The following TPRG1 variants were observed in gnomAD, a reference collection of about 807,000 sequenced individuals.
TPRG1 encodes tumor protein p63 regulated 1.
TPRG1 carries 29 observed loss-of-function variants against 29.3 expected under a neutral mutation model. That is an observed-to-expected ratio of 0.99 (90% confidence interval 0.74 to 1.35). The LOEUF (loss-of-function observed/expected upper bound fraction) is 1.35, where lower values mean the gene tolerates loss of function less well. Ranked by LOEUF, TPRG1 falls within the 40% of genes most tolerant of loss-of-function variation. TPRG1 has a pLI of 0.00. For missense variants in TPRG1, 327 were observed against 335.0 expected (o/e 0.98, Z 0.19); for synonymous variants, 130 against 116.8 (o/e 1.11, Z -0.73).
rs143535755 is a variant in TPRG1, at chr3:189,180,742, G to A, written c.-10+8611G>A. Among the ~76,000 whole-genome samples the A allele has an allele frequency of 2.9e-3, 438 of 152,264 alleles. 2 individuals are homozygous for A. The highest frequency in any genetic ancestry group is 6.3e-3 in the African/African-American group (261 of 41,550). ...CAGGTGCACAGTGCAAACCGTCAGC[G>A]CATTTACTATTCTGGGGTCTGGGGG... On this transcript the variant is annotated intron_variant, in intron 1 of 5. Transcript: ENST00000345063.
At chr3:189,022,282 C>T (rs1254521230) in intron 3 of TPRG1, among the ~76,000 whole-genome samples, 6 of 150,780 alleles carry the variant, frequency 4.0e-5, no homozygotes, top group East Asian at 2.0e-4. Context: ...TGAGGAACTG[C>T]GTTCCTTTGG....
At chr3:189,145,000 C>A (rs529685777) in intron 3 of TPRG1, among the ~76,000 whole-genome samples, 12 of 152,232 alleles carry the variant, frequency 7.9e-5, no homozygotes, top group African/African-American at 2.6e-4. Flanking sequence ...GGACTAGAAG[C>A]CTTTTATTCT....
chr3:189,057,071 C>T (rs1370279081), intron 4 of TPRG1, among the ~76,000 whole-genome samples: 10 of 152,222 alleles, frequency 6.6e-5, no homozygotes. Flanking sequence ...GACATCACAT[C>T]TATCATGCTT....
At chr3:189,022,794 A>G (rs1713413077) in intron 3 of TPRG1, among the ~76,000 whole-genome samples, 1 of 152,204 alleles carries the variant, frequency 6.6e-6, no homozygotes, top group Non-Finnish European at 1.5e-5. Context: ...TACCTAATCA[A>G]GCCGGGGCAA....
At chr3:189,163,073 A>G (rs1389487855) in intron 5 of TPRG1, among the ~76,000 whole-genome samples, 8 of 152,176 alleles carry the variant, frequency 5.3e-5, no homozygotes, top group African/African-American at 1.7e-4. Context: ...GGAGTTCGAG[A>G]CAAGCCTGGC....
chr3:189,266,133 C>T (rs1714034912), intron 4 of TPRG1, among the ~76,000 whole-genome samples: 1 of 152,104 alleles, frequency 6.6e-6, no homozygotes, highest in South Asian at 2.1e-4. Context: ...TTTGGAGGCT[C>T]ATATACTAAT....
At chr3:189,263,918 C>T (rs1249051568) in intron 4 of TPRG1, among the ~76,000 whole-genome samples, 1 of 152,062 alleles carries the variant, frequency 6.6e-6, no homozygotes, top group Non-Finnish European at 1.5e-5. Context: ...AGGTAGTTTG[C>T]TCAGGTATAG....
At chr3:189,117,262 T>C (rs1030650086) in intron 1 of TPRG1, among the ~76,000 whole-genome samples, 14 of 152,214 alleles carry the variant, frequency 9.2e-5, no homozygotes, top group Non-Finnish European at 1.5e-4. Flanking sequence ...CATGTGTTCA[T>C]AACAAATCAT....
At chr3:189,122,406 A>G (rs943669990) in intron 1 of TPRG1, among the ~76,000 whole-genome samples, 5 of 152,198 alleles carry the variant, frequency 3.3e-5, no homozygotes, top group African/African-American at 1.2e-4. Context: ...CTTTTCCCCA[A>G]TGGCCTGCTT....
chr3:189,047,358 T>C (rs1715044659), intron 4 of TPRG1, among the ~76,000 whole-genome samples: 1 of 152,158 alleles, frequency 6.6e-6, no homozygotes, highest in Admixed American at 6.5e-5. Context: ...AACCCCAAGG[T>C]ACATACCTTA....
chr3:189,061,833 G>A (rs530879180), intron 4 of TPRG1, among the ~76,000 whole-genome samples: 1 of 151,960 alleles, frequency 6.6e-6, no homozygotes, highest in East Asian at 2.1e-4. Flanking sequence ...TTATACACTG[G>A]TGGTGGAGTG....
chr3:189,046,661 T>A (rs1009353834), intron 4 of TPRG1, among the ~76,000 whole-genome samples: 9 of 152,216 alleles, frequency 5.9e-5, no homozygotes, highest in African/African-American at 2.2e-4. Context: ...AGTTTTAAGA[T>A]TAAAGATATT....
intron 4 of TPRG1, among the ~76,000 whole-genome samples, chr3:189,095,043 A>T (rs1357939098): frequency 6.6e-6 from 1 of 152,222 alleles, no homozygotes; most frequent in African/African-American, 2.4e-5. Context: ...AGTCTGGCTC[A>T]CGACTAGGGT....
In TPRG1 at chr3:189,004,521, T is replaced by C. The variant is rs1349588956; in HGVS notation, c.-877-22T>C. The stretch of plus-strand genomic sequence containing the variant: ...TTCGTGTGTGGATAAAACTCTTCCT[T>C]ATGTGATCTTTTCTCTTTTAGCTCT... On this transcript the variant is annotated intron_variant, in intron 2 of 10. Transcript: ENST00000433971. 2.6e-5 allele frequency: 4 copies of C among 152,180 alleles called. No individual in the cohort carries two copies. In the East Asian group the frequency reaches 7.7e-4, roughly 29 times the overall value. 9.4% of individuals were successfully genotyped at this position (152,180 alleles called of 1,614,324 possible).
chr3:189,163,298 C>T (rs1048667252), intron 5 of TPRG1, among the ~76,000 whole-genome samples: 1 of 152,012 alleles, frequency 6.6e-6, no homozygotes, highest in African/African-American at 2.4e-5. Flanking sequence ...AACAAAAAAA[C>T]ATGGGGTTCT....
chr3:189,038,814 A>G (rs927675706), intron 4 of TPRG1, among the ~76,000 whole-genome samples: 1 of 151,762 alleles, frequency 6.6e-6, no homozygotes, highest in African/African-American at 2.4e-5. Flanking sequence ...AAAAAAATGA[A>G]TAGACAATTC....
At chr3:189,285,629 C>G (rs970446353) in intron 4 of TPRG1, among the ~76,000 whole-genome samples, 6 of 152,170 alleles carry the variant, frequency 3.9e-5, no homozygotes, top group Non-Finnish European at 8.8e-5. Flanking sequence ...CTTCATAGAG[C>G]CTTTTTCACA....
intron 4 of TPRG1, among the ~76,000 whole-genome samples, chr3:189,027,312 G>A (rs575627070): frequency 6.2e-4 from 95 of 152,256 alleles, no homozygotes; most frequent in African/African-American, 2.2e-3. Flanking sequence ...TACCCCACCA[G>A]TATTCAGAAT....
chr3:189,315,469 C>T lies in TPRG1; in HGVS notation c.633+4930C>T, dbSNP rs547744821. 60 of 451,802 alleles carry T rather than the reference C, an allele frequency of 1.3e-4. 2 individuals carry two copies. The highest frequency in any genetic ancestry group is 9.3e-4 in the South Asian group (59 of 63,678). The allele number at this position is 451,802 out of a possible 1,614,324, so 28.0% of individuals were successfully genotyped here. ...ATAGCCTTACCTTTTCTTTTTTAAC[C>T]ATCGCTTTGCTGGGTTCCTACAGTA... On this transcript the variant is annotated intron_variant, in intron 5 of 5. Coordinates refer to ENST00000345063, the MANE Select transcript of TPRG1 (RefSeq NM_198485.4).
Sources: allele counts gnomAD v4.1 joint callset (sites outside exome capture counted in the v4.1 genomes callset), GRCh38; gene constraint gnomAD v4.1.1; transcripts MANE v1.5; gene names NCBI Gene and HGNC (gene_info 2026-07-23, HGNC 2026-07-21).